Variants in OTUD7A observed in about 807,000 individuals in gnomAD.
OTUD7A encodes the protein OTU deubiquitinase 7A.
Under a neutral mutation model 65.7 loss-of-function variants are expected in OTUD7A, and 12 were observed. The observed-to-expected ratio is 0.18, with a 90% CI of 0.12 to 0.30. The LOEUF is 0.30. Ranked by LOEUF, OTUD7A falls within the 10% of genes least tolerant of loss-of-function variation. The pLI is 1.00. For missense variants in OTUD7A, 1,148 were observed against 1,304.8 expected (o/e 0.88, Z 1.85); for synonymous variants, 641 against 586.3 (o/e 1.09, Z -1.35).
intron 1 of OTUD7A, among the ~76,000 whole-genome samples, chr15:31,851,852 GT>G (rs893890276): frequency 8.4e-4 from 127 of 152,002 alleles, no homozygotes; most frequent in African/African-American, 2.9e-3. Flanking sequence ...TGTTTTGTTT[GT>G]TTTGTTTTGT....
intron 3 of OTUD7A, among the ~76,000 whole-genome samples, chr15:31,592,908 TATATATATA>T (rs1566935062): frequency 2.3e-5 from 1 of 44,326 alleles, no homozygotes; most frequent in African/African-American, 1.2e-4. Context: ...AAAAAAAATA[TATATATATA>T]TATATATATA....
intron 5 of OTUD7A, 100 bp from the exon 6 acceptor site, chr15:31,530,908 A>G: frequency 1.3e-6 from 1 of 775,306 alleles, no homozygotes; most frequent in South Asian, 2.0e-5. Context: ...GATTTTCTAC[A>G]GGTTTCAATA....
intron 1 of OTUD7A, among the ~76,000 whole-genome samples, chr15:31,664,772 A>G (rs1334016071): frequency 6.6e-6 from 1 of 152,218 alleles, no homozygotes; most frequent in Non-Finnish European, 1.5e-5. Context: ...GTTATCTTCT[A>G]GAACTTTTAT....
intron 1 of OTUD7A, among the ~76,000 whole-genome samples, chr15:31,672,122 T>G (rs918749898): frequency 1.3e-5 from 2 of 152,236 alleles, no homozygotes; most frequent in South Asian, 4.1e-4. Context: ...GTTAATATTA[T>G]ATACATAAAA....
At chr15:31,743,972 T>C (rs894551252) in intron 1 of OTUD7A, among the ~76,000 whole-genome samples, 1 of 152,036 alleles carries the variant, frequency 6.6e-6, no homozygotes, top group African/African-American at 2.4e-5. Context: ...AATAAGAAAA[T>C]ACTGTGAAGA....
intron 3 of OTUD7A, among the ~76,000 whole-genome samples, chr15:31,614,487 G>A (rs1452627570): frequency 1.3e-5 from 2 of 151,970 alleles, no homozygotes; most frequent in African/African-American, 4.8e-5. Flanking sequence ...TAAGAAAAAA[G>A]ACTACCTTGA....
At chr15:31,631,362 G>A (rs937519035) in intron 3 of OTUD7A, among the ~76,000 whole-genome samples, 1 of 152,144 alleles carries the variant, frequency 6.6e-6, no homozygotes, top group African/African-American at 2.4e-5. Context: ...TAGTTTGGCT[G>A]GATATGAAAT....
chr15:31,555,544 A>G (rs1444384066), intron 5 of OTUD7A, among the ~76,000 whole-genome samples: 1 of 152,198 alleles, frequency 6.6e-6, no homozygotes, highest in African/African-American at 2.4e-5. Flanking sequence ...ACGGGAGCAG[A>G]GCCTGGCTGT....
At chr15:31,858,210 A>G (rs1897627910) in intron 1 of OTUD7A, among the ~76,000 whole-genome samples, 1 of 152,204 alleles carries the variant, frequency 6.6e-6, no homozygotes, top group East Asian at 1.9e-4. Context: ...CCTATAAGAC[A>G]GGTGTGGCAG....
At chr15:31,486,442 T>C (rs1293250976) in intron 12 of OTUD7A, among the ~76,000 whole-genome samples, 1 of 152,236 alleles carries the variant, frequency 6.6e-6, no homozygotes, top group Non-Finnish European at 1.5e-5. Context: ...CTTTACTAAT[T>C]CTTTGTGAGC....
intron 1 of OTUD7A, among the ~76,000 whole-genome samples, chr15:31,859,451 T>C (rs193281610): frequency 2.8e-4 from 43 of 152,356 alleles, no homozygotes; most frequent in Non-Finnish European, 5.0e-4. Flanking sequence ...AAGCCAGCTA[T>C]ATATTCAGTT....
chr15:31,487,209 G>T lies in OTUD7A; in HGVS notation c.1356C>A (p.Ile452=), dbSNP rs1307688592. The T allele has an allele frequency of 2.5e-6, 4 of 1,613,970 alleles. No individual in the cohort carries two copies. Among genetic ancestry groups the T allele is most frequent in the Middle Eastern group, 1.7e-4 (1 of 6,014 alleles). Reference sequence around the variant, plus strand: ...CCAGGCTCACCCGTGTCTCGGAGGGGATCCGGATCCACGTCACGTTCATGT... The same window carrying T: ...CCAGGCTCACCCGTGTCTCGGAGGGTATCCGGATCCACGTCACGTTCATGT... ...HSYMNVTWIR[I]PSETRAPLAQ... The change falls in exon 12 of 13, where the codon ATC becomes ATA. Residue 452 remains isoleucine (I), a synonymous_variant. Coordinates refer to ENST00000307050, the MANE Select transcript of OTUD7A (RefSeq NM_001382637.1). The surrounding 1 kb of genome is among the most constrained non-coding windows in gnomAD (Gnocchi z 6.0).
intron 1 of OTUD7A, among the ~76,000 whole-genome samples, chr15:31,792,323 A>G (rs980733877): frequency 2.6e-5 from 4 of 152,118 alleles, no homozygotes; most frequent in Admixed American, 2.6e-4. Context: ...ACCGGATGCC[A>G]TCACCTCCAG....
chr15:31,734,988 G>C (rs1454883806), intron 1 of OTUD7A, among the ~76,000 whole-genome samples: 2 of 151,994 alleles, frequency 1.3e-5, no homozygotes, highest in East Asian at 1.9e-4. Context: ...GAAAATTTCG[G>C]CAAACTGTGC....
intron 1 of OTUD7A, among the ~76,000 whole-genome samples, chr15:31,808,382 T>C (rs1415537604): frequency 6.6e-6 from 1 of 152,070 alleles, no homozygotes; most frequent in East Asian, 1.9e-4. Flanking sequence ...ACAGACCTCA[T>C]TCACAGGAGC....
At chr15:31,640,175 G>C (rs1447323587) in intron 3 of OTUD7A, among the ~76,000 whole-genome samples, 5 of 152,140 alleles carry the variant, frequency 3.3e-5, no homozygotes. Context: ...AGTAACTCAG[G>C]AATGGAAAAC....
At chr15:31,566,532 C>A (rs1888880147) in intron 4 of OTUD7A, among the ~76,000 whole-genome samples, 1 of 152,144 alleles carries the variant, frequency 6.6e-6, no homozygotes, top group Non-Finnish European at 1.5e-5. Flanking sequence ...GACAAGACAC[C>A]ATTTTCCACT....
Position 31,483,946 on chromosome 15 carries a change from G to A in OTUD7A, c.2150C>T (p.Ser717Phe), listed in dbSNP as rs2041183974. 2 of 1,118,240 alleles carry A rather than the reference G, an allele frequency of 1.8e-6. No individual in the cohort carries two copies. The highest frequency in any genetic ancestry group is 7.4e-5 in the East Asian group (1 of 13,506). 69.3% of individuals were successfully genotyped at this position (1,118,240 alleles called of 1,614,324 possible). ...TEGVPVPERA[S>F]PGPPTQLVLK... ...CACCAGCTGCGTGGGTGGGCCCGGA[G>A]AGGCGCGCTCCGGGACCGGCACGCC... Residue 717 changes from serine to phenylalanine, a missense_variant, in exon 13 of 13, where the codon TCT becomes TTT. Ser to Phe is a radical substitution (Grantham distance 155, BLOSUM62 -2). This residue lies in a region of OTUD7A where 842 missense variants were observed against 769.5 expected (regional missense o/e 1.09). Coordinates refer to ENST00000307050, the MANE Select transcript of OTUD7A (RefSeq NM_001382637.1).
At chr15:31,774,632 T>C (rs950085462) in intron 1 of OTUD7A, among the ~76,000 whole-genome samples, 2 of 152,194 alleles carry the variant, frequency 1.3e-5, no homozygotes, top group Admixed American at 1.3e-4. Context: ...CTCAGATACT[T>C]ACTGCTAGTT....
Sources: allele counts gnomAD v4.1 joint callset (sites outside exome capture counted in the v4.1 genomes callset), GRCh38; gene constraint gnomAD v4.1.1; regional missense constraint gnomAD v4.1.1; non-coding constraint Gnocchi (gnomAD v3.1); transcripts MANE v1.5; gene names NCBI Gene and HGNC (gene_info 2026-07-23, HGNC 2026-07-21).